Variants in ZNF385D observed in about 807,000 individuals in gnomAD.
ZNF385D encodes zinc finger protein 385D.
In ZNF385D, 15 loss-of-function variants were observed where a neutral mutation model predicts 35.8. The ratio of observed to expected loss-of-function variants is 0.42; its 90% CI spans 0.28 to 0.64. ZNF385D has a LOEUF of 0.64. Ranked by LOEUF, ZNF385D falls within the 30% of genes least tolerant of loss-of-function variation. The pLI is 0.23. For synonymous variants in ZNF385D, 212 were observed against 186.8 expected, an observed-to-expected ratio of 1.13 and a Z score of -1.10; for missense variants, 474 against 494.6, an observed-to-expected ratio of 0.96 and a Z score of 0.39.
intron 4 of ZNF385D, among the ~76,000 whole-genome samples, chr3:21,497,430 T>A (rs1398748737): frequency 6.6e-6 from 1 of 152,200 alleles, no homozygotes; most frequent in African/African-American, 2.4e-5. Context: ...TCCATGCTCA[T>A]GGATAGAAAG....
At chr3:21,898,703 C>T (rs1352699089) in intron 3 of ZNF385D, among the ~76,000 whole-genome samples, 1 of 152,102 alleles carries the variant, frequency 6.6e-6, no homozygotes, top group East Asian at 1.9e-4. Flanking sequence ...TAACAGAAGC[C>T]TGAAAGTCAC....
chr3:21,550,223 C>G (rs1337052946), intron 3 of ZNF385D, among the ~76,000 whole-genome samples: 2 of 152,048 alleles, frequency 1.3e-5, no homozygotes, highest in Non-Finnish European at 2.9e-5. Flanking sequence ...TTTCCCACAG[C>G]TAAACAGCAT....
At chr3:21,511,486 T>G (rs919232841) in intron 3 of ZNF385D, 1 of 354,900 alleles carries the variant, frequency 2.8e-6, no homozygotes, top group Non-Finnish European at 5.5e-6. Context: ...AAGGAAAGGT[T>G]CACACAAAAC....
At chr3:21,932,662 C>T (rs989891316) in intron 3 of ZNF385D, among the ~76,000 whole-genome samples, 4 of 151,528 alleles carry the variant, frequency 2.6e-5, no homozygotes, top group African/African-American at 9.7e-5. Context: ...TTAAAAAAAC[C>T]CCACATGCTG....
chr3:21,733,518 T>C (rs938536309), intron 1 of ZNF385D, among the ~76,000 whole-genome samples: 1 of 152,228 alleles, frequency 6.6e-6, no homozygotes, highest in Admixed American at 6.5e-5. Flanking sequence ...ATTGGTGTTG[T>C]AAATACTGTT....
intron 3 of ZNF385D, among the ~76,000 whole-genome samples, chr3:22,001,693 A>G (rs1442444477): frequency 6.6e-6 from 1 of 152,088 alleles, no homozygotes; most frequent in Non-Finnish European, 1.5e-5. Flanking sequence ...TTAGCATAGG[A>G]AACATTCTTT....
chr3:21,565,268 T>C (rs148414656), intron 2 of ZNF385D, among the ~76,000 whole-genome samples: 247 of 152,204 alleles, frequency 1.6e-3, no homozygotes, highest in African/African-American at 5.6e-3. Flanking sequence ...TGTGGACTTA[T>C]TGGGGGGTGC....
At chr3:21,922,631 G>C (rs1369611083) in intron 3 of ZNF385D, among the ~76,000 whole-genome samples, 2 of 152,050 alleles carry the variant, frequency 1.3e-5, no homozygotes, top group African/African-American at 2.4e-5. Flanking sequence ...ACACATGAAA[G>C]TTATCTCAAG....
chr3:22,163,291 G>A (rs1308967358), intron 3 of ZNF385D, among the ~76,000 whole-genome samples: 1 of 152,132 alleles, frequency 6.6e-6, no homozygotes, highest in African/African-American at 2.4e-5. Context: ...CATGAATTCA[G>A]GTGGTATACA....
At chr3:21,805,458 A>T (rs1372686609) in intron 3 of ZNF385D, among the ~76,000 whole-genome samples, 1 of 152,220 alleles carries the variant, frequency 6.6e-6, no homozygotes, top group African/African-American at 2.4e-5. Flanking sequence ...ACAAATGCAT[A>T]AGTGAATCAT....
intron 2 of ZNF385D, among the ~76,000 whole-genome samples, chr3:22,209,267 A>T (rs1454065533): frequency 1.3e-5 from 2 of 151,972 alleles, no homozygotes; most frequent in Non-Finnish European, 2.9e-5. Flanking sequence ...ACATGTCACA[A>T]ATGTTCCTAT....
chr3:21,842,455 T>C (rs1045546029), intron 3 of ZNF385D, among the ~76,000 whole-genome samples: 1 of 151,966 alleles, frequency 6.6e-6, no homozygotes, highest in African/African-American at 2.4e-5. Context: ...ATTTGACTCA[T>C]ATGTGAAAGG....
intron 1 of ZNF385D, among the ~76,000 whole-genome samples, chr3:21,726,912 C>T (rs1045427945): frequency 2.0e-5 from 3 of 152,154 alleles, no homozygotes; most frequent in African/African-American, 4.8e-5. Flanking sequence ...CCCTACCTGA[C>T]TTCAAACTAT....
chr3:21,825,357 G>T (rs1387751521), intron 3 of ZNF385D, among the ~76,000 whole-genome samples: 2 of 152,006 alleles, frequency 1.3e-5, no homozygotes, highest in African/African-American at 4.8e-5. Flanking sequence ...ACGGTATTTT[G>T]TATTCCTCTC....
chr3:22,370,841 C>T (rs370464217), intron 2 of ZNF385D, among the ~76,000 whole-genome samples: 1 of 152,240 alleles, frequency 6.6e-6, no homozygotes, highest in East Asian at 1.9e-4. Flanking sequence ...TATTAGGTAA[C>T]CCCAAAGATC....
At chr3:22,182,152 C>T (rs528042987) in intron 2 of ZNF385D, among the ~76,000 whole-genome samples, 2 of 152,234 alleles carry the variant, frequency 1.3e-5, no homozygotes, top group East Asian at 1.9e-4. Flanking sequence ...TGTCTTAAGA[C>T]ATAAAGCTTC....
At chr3:21,456,677 T>G (rs1702840151) in intron 4 of ZNF385D, among the ~76,000 whole-genome samples, 1 of 152,134 alleles carries the variant, frequency 6.6e-6, no homozygotes, top group Admixed American at 6.5e-5. Context: ...ATGTCACATG[T>G]ATACATATGT....
chr3:21,575,467 T>C (rs1363009771), intron 2 of ZNF385D, among the ~76,000 whole-genome samples: 2 of 152,196 alleles, frequency 1.3e-5, no homozygotes, highest in African/African-American at 4.8e-5. Flanking sequence ...GTAGGAAATA[T>C]AACATGTATA....
At chr3:21,439,218 A>T (rs1370173753) in intron 4 of ZNF385D, among the ~76,000 whole-genome samples, 1 of 151,690 alleles carries the variant, frequency 6.6e-6, no homozygotes, top group Non-Finnish European at 1.5e-5. Flanking sequence ...AAGTTAAGAA[A>T]ATTTCCCAAG....
Sources: gnomAD v4.1 joint callset for allele counts (sites outside exome capture counted in the v4.1 genomes callset) on GRCh38, gnomAD v4.1.1 for gene constraint, MANE v1.5 for transcripts, NCBI Gene and HGNC (gene_info 2026-07-23, HGNC 2026-07-21) for gene names.